TECPR2: variants seen among roughly 807,000 people sequenced by gnomAD.
TECPR2 encodes tectonin beta-propeller repeat-containing protein 2.
In TECPR2, 65 loss-of-function variants were observed where a neutral mutation model predicts 138.1. That is an observed-to-expected ratio of 0.47 (90% CI 0.39 to 0.58). The LOEUF is 0.58. Among genes scored for constraint, TECPR2 ranks in the 20% least tolerant of loss-of-function variants. The pLI is 0.00. For missense variants in TECPR2, 1,553 were observed against 1,824.5 expected, an observed-to-expected ratio of 0.85 and a Z score of 2.71; for synonymous variants, 746 against 749.8, an observed-to-expected ratio of 0.99 and a Z score of 0.08.
At chr14:102,436,879 A>G (rs1889684093) in intron 9 of TECPR2, among the ~76,000 whole-genome samples, 3 of 152,218 alleles carry the variant, frequency 2.0e-5, no homozygotes, top group Non-Finnish European at 2.9e-5. Context: ...TGGCCCCCTA[A>G]TGTCTGGGCG....
rs1889151262 is a variant in TECPR2 at position 102,420,541 on chromosome 14, C to T, written c.639-4438C>T. Among the ~76,000 whole-genome samples, 1 of 152,144 alleles carries T rather than the reference C, an allele frequency of 6.6e-6. No homozygotes were observed. Among genetic ancestry groups the T allele is most frequent in the Non-Finnish European group, 1.5e-5 (1 of 68,022 alleles). On this transcript the variant is annotated intron_variant, in intron 5 of 19. Transcript: ENST00000359520. This position sits in a 1 kb window ranked among gnomAD's most constrained non-coding sequence, Gnocchi z 4.1. ...AGGCTGGGGTGCAGTGGTGTGATCA[C>T]AGCTCACTGCAGCCTTGAACAGCTG...
intron 2 of TECPR2, among the ~76,000 whole-genome samples, chr14:102,393,675 C>G (rs1345152511): frequency 6.6e-6 from 1 of 152,208 alleles, no homozygotes; most frequent in Non-Finnish European, 1.5e-5. Flanking sequence ...TCTCCTGCCT[C>G]AGCCTCCCAA....
chr14:102,407,330 T>A lies in TECPR2; in HGVS notation c.220-8T>A, dbSNP rs2139693205. 6.3e-7 allele frequency: 1 copy of A among 1,589,450 alleles called. No homozygotes were observed. The highest frequency in any genetic ancestry group is 1.7e-4 in the Middle Eastern group (1 of 5,950). ...TTACAGATTCATTTGTTTTCAACGT[T>A]TCCCCAGGGGAAGACGGAATCTATC... is the stretch of plus-strand genomic sequence containing the variant. On this transcript the variant is annotated splice_polypyrimidine_tract_variant and splice_region_variant and intron_variant, in intron 2 of 19. Transcript: ENST00000359520.
chr14:102,366,980 A>G (rs1887361380), intron 1 of TECPR2, among the ~76,000 whole-genome samples: 1 of 152,204 alleles, frequency 6.6e-6, no homozygotes, highest in Non-Finnish European at 1.5e-5. Flanking sequence ...AAGAAGCCAG[A>G]TAAATGGAGT....
intron 5 of TECPR2, among the ~76,000 whole-genome samples, chr14:102,416,297 T>C (rs1252184460): frequency 1.3e-5 from 2 of 152,082 alleles, no homozygotes; most frequent in Non-Finnish European, 2.9e-5. Flanking sequence ...AATTTTGTAT[T>C]TTTAGTAGAG....
chr14:102,372,500 GGT>G (rs1887531617), intron 1 of TECPR2, among the ~76,000 whole-genome samples: 1 of 152,158 alleles, frequency 6.6e-6, no homozygotes. Flanking sequence ...CCCAACCTCA[GGT>G]GATCCGCCCT....
At chr14:102,384,733 A>G (rs981800356) in intron 2 of TECPR2, among the ~76,000 whole-genome samples, 1 of 149,480 alleles carries the variant, frequency 6.7e-6, no homozygotes, top group African/African-American at 2.5e-5. Flanking sequence ...ATACACATAT[A>G]TATGTATATG....
At chr14:102,406,173 A>G (rs2139691797) in intron 2 of TECPR2, among the ~76,000 whole-genome samples, 1 of 152,336 alleles carries the variant, frequency 6.6e-6, no homozygotes, top group East Asian at 1.9e-4. Flanking sequence ...GAGCATTATG[A>G]ATGTATTGAA....
At chr14:102,392,107 G>T (rs1455907708) in intron 2 of TECPR2, among the ~76,000 whole-genome samples, 1 of 152,132 alleles carries the variant, frequency 6.6e-6, no homozygotes, top group Non-Finnish European at 1.5e-5. Context: ...TCCTGCCTCA[G>T]CCTCCCAAGT....
chr14:102,450,489 G>T, intron 14 of TECPR2, 71 bp from the exon 15 acceptor site: 1 of 1,493,166 alleles, frequency 6.7e-7, no homozygotes. Flanking sequence ...CTGTCGTCCA[G>T]AACTAAGATC....
chr14:102,391,095 G>A (rs1445902671), intron 2 of TECPR2, among the ~76,000 whole-genome samples: 1 of 152,158 alleles, frequency 6.6e-6, no homozygotes, highest in African/African-American at 2.4e-5. Flanking sequence ...TTCTCACCCT[G>A]TTGCCCAGGC....
rs2139727257 is a variant in TECPR2 at position 102,432,091 on chromosome 14, T to C, written c.1380T>C (p.Pro460=). Residue 460 remains proline (P), a synonymous_variant, in exon 8 of 20, where the codon CCT becomes CCC. Coordinates refer to ENST00000359520, the MANE Select transcript of TECPR2 (RefSeq NM_014844.5). ...EDFDQELVVK[P]IKVKRKKKKK... Reference sequence around the variant, plus strand: ...TTGACCAGGAGCTTGTCGTGAAGCCTATCAAAGTGAAAAGGAAGAAGAAGA... The same window carrying C: ...TTGACCAGGAGCTTGTCGTGAAGCCCATCAAAGTGAAAAGGAAGAAGAAGA... 1.2e-6 allele frequency: 2 copies of C among 1,601,888 alleles called. No homozygotes were observed. The highest frequency in any genetic ancestry group is 1.7e-6 in the Non-Finnish European group (2 of 1,172,530).
chr14:102,427,708 G>A (rs1368503019), intron 6 of TECPR2, among the ~76,000 whole-genome samples: 1 of 152,182 alleles, frequency 6.6e-6, no homozygotes, highest in Non-Finnish European at 1.5e-5. Context: ...CTGCAGGAAT[G>A]CACACAGTAG....
chr14:102,402,551 G>T (rs142100562), intron 2 of TECPR2, among the ~76,000 whole-genome samples: 2 of 151,996 alleles, frequency 1.3e-5, no homozygotes, highest in African/African-American at 4.8e-5. Flanking sequence ...GATTAGAACA[G>T]AGGTAAAGGA....
chr14:102,381,109 C>T (rs774172217), intron 2 of TECPR2, among the ~76,000 whole-genome samples: 5 of 151,790 alleles, frequency 3.3e-5, no homozygotes, highest in East Asian at 1.9e-4. Context: ...TACAGGCACA[C>T]GCCACCAAGC....
intron 16 of TECPR2, among the ~76,000 whole-genome samples, chr14:102,460,700 T>TTC (rs994377231): frequency 6.6e-6 from 1 of 150,488 alleles, no homozygotes; most frequent in East Asian, 2.0e-4. Context: ...ACCTTTAATT[T>TTC]TTTTTTTTTT....
At chr14:102,488,140 AG>A (rs1286655129) in intron 17 of TECPR2, among the ~76,000 whole-genome samples, 1 of 150,356 alleles carries the variant, frequency 6.7e-6, no homozygotes, top group Non-Finnish European at 1.5e-5. Flanking sequence ...CACCACGCCC[AG>A]CCTCTTTTGC....
In TECPR2 at chr14:102,410,263, G is replaced by T. The variant is rs1888790183; in HGVS notation, c.480+1644G>T. Among the ~76,000 whole-genome samples the T allele has an allele frequency of 2.0e-5, 3 of 152,000 alleles. No homozygotes were observed. In the South Asian group the frequency reaches 6.2e-4, roughly 31 times the overall value. On this transcript the variant is annotated intron_variant, in intron 4 of 19. Transcript: ENST00000359520. ...ATTTTTACAAATTTCTTTATTATCT[G>T]GCTTAATAGAAGATGGCTGGATTCT... is the stretch of plus-strand genomic sequence containing the variant.
intron 4 of TECPR2, among the ~76,000 whole-genome samples, chr14:102,409,259 TC>T (rs1186318410): frequency 6.6e-6 from 1 of 152,152 alleles, no homozygotes; most frequent in Non-Finnish European, 1.5e-5. Context: ...CCTTTCTTTT[TC>T]TTATTTGTAG....
Sources: gnomAD v4.1 joint callset for allele counts (sites outside exome capture counted in the v4.1 genomes callset) on GRCh38, gnomAD v4.1.1 for gene constraint, Gnocchi (gnomAD v3.1) non-coding constraint, MANE v1.5 for transcripts, NCBI Gene and HGNC (gene_info 2026-07-23, HGNC 2026-07-21) for gene names.